The following TSGA10 variants were observed in gnomAD, a reference collection of about 807,000 sequenced individuals.
TSGA10 encodes the protein testis-specific gene 10 protein.
A neutral mutation model predicts 96.6 loss-of-function variants in TSGA10; 43 were observed. The ratio of observed to expected loss-of-function variants is 0.44; its 90% CI spans 0.35 to 0.57. TSGA10 has a LOEUF of 0.57. Among genes scored for constraint, TSGA10 ranks in the 20% least tolerant of loss-of-function variants. The pLI is 0.01. For missense variants in TSGA10, 703 were observed against 834.4 expected (o/e 0.84, Z 1.94); for synonymous variants, 229 against 269.9 (o/e 0.85, Z 1.48).
rs766448524 is a variant in TSGA10 at position 99,104,044 on chromosome 2, T to G, written c.534A>C (p.Glu178Asp). 8.1e-6 allele frequency: 13 copies of G among 1,613,996 alleles called. No homozygotes were observed. The highest frequency in any genetic ancestry group is 3.3e-5 in the Admixed American group (2 of 60,004). The change falls in exon 10 of 21, where the codon GAA becomes GAC. Residue 178 changes from glutamate (E) to aspartate (D), a missense_variant. Glu to Asp is a conservative substitution (Grantham distance 45, BLOSUM62 2). Coordinates refer to ENST00000393483, the MANE Select transcript of TSGA10 (RefSeq NM_025244.4). ...MKETISTVEK[E>D]MKSLARKAMD... ...TTGCCTTTCTTGCTAGTGATTTCATTTCTTTTTCCACAGTGCTTATGGTTT... is the reference window on the plus strand; with the variant it reads ...TTGCCTTTCTTGCTAGTGATTTCATGTCTTTTTCCACAGTGCTTATGGTTT...
chr2:99,048,791 G>T (rs986475456), intron 16 of TSGA10, among the ~76,000 whole-genome samples: 1 of 152,034 alleles, frequency 6.6e-6, no homozygotes, highest in Non-Finnish European at 1.5e-5. Flanking sequence ...GTATGAACAG[G>T]CAACCTAAAG....
chr2:98,998,116 A>G lies in TSGA10; in HGVS notation c.*81T>C, dbSNP rs1171559007. The G allele has an allele frequency of 2.6e-5, 31 of 1,180,564 alleles. No individual in the cohort carries two copies. The highest frequency in any genetic ancestry group is 1.2e-6 in the Non-Finnish European group (1 of 814,840). 73.1% of individuals were successfully genotyped at this position (1,180,564 alleles called of 1,614,324 possible). ...TAACATTGCCAAGCATTTAAAAGAT[A>G]AATGCACTCATGTAGCAAAAAAAAA... On this transcript the variant is annotated 3_prime_UTR_variant, in exon 21 of 21. Transcript: ENST00000393483.
chr2:99,061,259 T>C (rs2084657121), intron 16 of TSGA10, among the ~76,000 whole-genome samples: 1 of 152,210 alleles, frequency 6.6e-6, no homozygotes, highest in South Asian at 2.1e-4. Flanking sequence ...GATAGACTCA[T>C]GACCAGTAAG....
At chr2:99,046,552 C>T (rs536133017) in intron 16 of TSGA10, among the ~76,000 whole-genome samples, 1 of 152,266 alleles carries the variant, frequency 6.6e-6, no homozygotes, top group African/African-American at 2.4e-5. Context: ...ATACTAGAAT[C>T]TCTGGGACAC....
intron 2 of TSGA10, 79 bp from the exon 3 acceptor site, chr2:99,118,765 T>C (rs2092417777): frequency 1.5e-6 from 1 of 672,944 alleles, no homozygotes; most frequent in African/African-American, 2.0e-5. Flanking sequence ...AATACAAAGA[T>C]AGGTTAGATA....
chr2:99,092,623 C>G lies in TSGA10; in HGVS notation c.612-11226G>C, dbSNP rs551996052. Among the ~76,000 whole-genome samples, 10 of 152,170 alleles carry G rather than the reference C, an allele frequency of 6.6e-5. No homozygotes were observed. In the South Asian group the frequency reaches 2.1e-3, roughly 32 times the overall value. On this transcript the variant is annotated intron_variant, in intron 10 of 20. Coordinates refer to ENST00000393483, the MANE Select transcript of TSGA10 (RefSeq NM_025244.4). ...CTGACATCACAGAAATACAAAAGATCATTTAAGGCTACTACAAACACCTTC... is the reference window on the plus strand; with the variant it reads ...CTGACATCACAGAAATACAAAAGATGATTTAAGGCTACTACAAACACCTTC...
At chr2:99,031,189 T>C (rs2105045315) in intron 17 of TSGA10, among the ~76,000 whole-genome samples, 1 of 143,200 alleles carries the variant, frequency 7.0e-6, no homozygotes, top group South Asian at 2.2e-4. Context: ...CACACAAATA[T>C]ACCCAATTGA....
chr2:99,019,859 T>C (rs2079856578), intron 18 of TSGA10, among the ~76,000 whole-genome samples: 1 of 152,194 alleles, frequency 6.6e-6, no homozygotes, highest in Admixed American at 6.5e-5. Flanking sequence ...AAGTCTTCTG[T>C]ATTTTGTGAA....
intron 20 of TSGA10, among the ~76,000 whole-genome samples, chr2:99,007,334 C>T (rs1425777747): frequency 6.6e-6 from 1 of 151,808 alleles, no homozygotes; most frequent in Non-Finnish European, 1.5e-5. Context: ...AAAAAATTCA[C>T]AATGACTCAT....
At chr2:99,078,945 CTATA>C in intron 11 of TSGA10, 132 bp from the exon 12 acceptor site, 1 of 766,006 alleles carries the variant, frequency 1.3e-6, no homozygotes. Context: ...ACAATGAGTA[CTATA>C]TCCCAAATTA....
intron 16 of TSGA10, 55 bp downstream of exon 16, chr2:99,064,884 A>G: frequency 6.9e-7 from 1 of 1,440,888 alleles, no homozygotes; most frequent in Non-Finnish European, 9.2e-7. Flanking sequence ...AGGCCAAACA[A>G]AACTCTTTTA....
At chr2:99,146,627 C>A (rs923110495) in intron 1 of TSGA10, among the ~76,000 whole-genome samples, 13 of 152,006 alleles carry the variant, frequency 8.6e-5, no homozygotes, top group African/African-American at 3.1e-4. Flanking sequence ...TGCATTTGCA[C>A]TCCACTTTTT....
chr2:99,153,069 C>T (rs977757666), intron 1 of TSGA10, among the ~76,000 whole-genome samples: 14 of 151,920 alleles, frequency 9.2e-5, no homozygotes, highest in Non-Finnish European at 2.1e-4. Context: ...AAGGGGACTG[C>T]GGAGTTGGCA....
At chr2:99,061,212 A>G (rs2084651683) in intron 16 of TSGA10, among the ~76,000 whole-genome samples, 1 of 152,206 alleles carries the variant, frequency 6.6e-6, no homozygotes, top group Non-Finnish European at 1.5e-5. Context: ...CAATAAAAAG[A>G]TGGGCAATAG....
In TSGA10 at chr2:99,012,326, T is replaced by C. The variant is rs115676744; in HGVS notation, c.2072+5874A>G. 4.7e-3 allele frequency among the ~76,000 whole-genome samples: 723 copies of C among 152,240 alleles called. 9 individuals are homozygous for C. The highest frequency in any genetic ancestry group is 0.017 in the African/African-American group (688 of 41,526). Reference sequence around the variant, plus strand: ...CTAATGTGATGAACAGAACAATACCTAACATCTTAATACTAATGTTGAATG... The same window carrying C: ...CTAATGTGATGAACAGAACAATACCCAACATCTTAATACTAATGTTGAATG... On this transcript the variant is annotated intron_variant, in intron 20 of 20. Coordinates refer to ENST00000393483, the MANE Select transcript of TSGA10 (RefSeq NM_025244.4).
chr2:99,101,362 C>A (rs1477729822), intron 10 of TSGA10, among the ~76,000 whole-genome samples: 1 of 149,564 alleles, frequency 6.7e-6, no homozygotes, highest in Non-Finnish European at 1.5e-5. Flanking sequence ...GAGACAAGGT[C>A]TTGCTATGTT....
chr2:99,070,865 T>C (rs897911278), intron 14 of TSGA10, among the ~76,000 whole-genome samples: 2 of 152,166 alleles, frequency 1.3e-5, no homozygotes, highest in East Asian at 3.8e-4. Context: ...TATGTCACAA[T>C]TAATAAGCCA....
At chr2:99,131,931 T>C (rs1046699434) in intron 1 of TSGA10, among the ~76,000 whole-genome samples, 2 of 152,182 alleles carry the variant, frequency 1.3e-5, no homozygotes, top group Non-Finnish European at 2.9e-5. Context: ...TTTATTGATT[T>C]GCGTATGTTG....
chr2:99,122,762 G>C (rs1340139016), intron 2 of TSGA10, among the ~76,000 whole-genome samples: 1 of 151,330 alleles, frequency 6.6e-6, no homozygotes, highest in Non-Finnish European at 1.5e-5. Flanking sequence ...CTGCACTACA[G>C]CCTGGATGAC....
Sources: allele counts gnomAD v4.1 joint callset (sites outside exome capture counted in the v4.1 genomes callset), GRCh38; gene constraint gnomAD v4.1.1; transcripts MANE v1.5; gene names NCBI Gene and HGNC (gene_info 2026-07-23, HGNC 2026-07-21).